Variants in SERPINB3 observed in about 807,000 individuals in gnomAD.
SERPINB3 encodes the protein serpin family B member 3.
A neutral mutation model predicts 33.0 loss-of-function variants in SERPINB3; 33 were observed. The ratio of observed to expected loss-of-function variants is 1.00; its 90% CI spans 0.76 to 1.34. The LOEUF (loss-of-function observed/expected upper bound fraction) is 1.34. Among genes scored for constraint, SERPINB3 ranks in the 40% most tolerant of loss-of-function variants. The pLI, the probability that SERPINB3 is intolerant of heterozygous loss-of-function variation, is 0.00. For synonymous variants in SERPINB3, 200 were observed against 170.9 expected, an observed-to-expected ratio of 1.17 and a Z score of -1.33; for missense variants, 518 against 461.5, an observed-to-expected ratio of 1.12 and a Z score of -1.12.
chr18:63,660,328 T>A (rs907639249), intron 3 of SERPINB3, among the ~76,000 whole-genome samples: 2 of 152,188 alleles, frequency 1.3e-5, no homozygotes, highest in African/African-American at 4.8e-5. Flanking sequence ...CAATGAAAAT[T>A]AAATATTTTG....
chr18:63,661,516 A>G (rs1188501562), intron 1 of SERPINB3, among the ~76,000 whole-genome samples: 1 of 152,102 alleles, frequency 6.6e-6, no homozygotes, highest in Non-Finnish European at 1.5e-5. Context: ...CACTAGGGCT[A>G]GGTAGGAAGG....
intron 3 of SERPINB3, among the ~76,000 whole-genome samples, chr18:63,660,209 C>T (rs1034755436): frequency 1.3e-5 from 2 of 152,110 alleles, no homozygotes; most frequent in Non-Finnish European, 2.9e-5. Context: ...TTCTACTTTC[C>T]AGCAAAGCAT....
chr18:63,656,830 C>T lies in SERPINB3; in HGVS notation c.768+1G>A, dbSNP rs2144492262. The T allele has an allele frequency of 6.2e-7, 1 of 1,603,422 alleles. No individual in the cohort carries two copies. Among genetic ancestry groups the T allele is most frequent in the Admixed American group, 1.7e-5 (1 of 59,810 alleles). ...GAAGAGTTGTAGATGCAAGTTCTTA[C>T]CTTCTGGAGACCATCGATTTCATTT... On this transcript the variant is annotated splice_donor_variant, in intron 7 of 7. Transcript: ENST00000283752. LOFTEE classifies it high-confidence loss of function.
chr18:63,657,581 G>T (rs1422725771), intron 5 of SERPINB3, among the ~76,000 whole-genome samples, 169 bp from the exon 6 acceptor site: 1 of 152,254 alleles, frequency 6.6e-6, no homozygotes, highest in African/African-American at 2.4e-5. Context: ...TGGTTCACCA[G>T]ATGCAGCTTT....
rs770459235 is a variant in SERPINB3, at chr18:63,658,618, C to T, written c.364G>A (p.Ala122Thr). 1.9e-6 allele frequency: 3 copies of T among 1,610,936 alleles called. No homozygotes were observed. The highest frequency in any genetic ancestry group is 2.5e-6 in the Non-Finnish European group (3 of 1,177,406). ...TYLFLQEYLDAIKKFYQTSVE... is the reference protein window; with the variant it reads ...TYLFLQEYLDTIKKFYQTSVE... ...CTGGTCTGGTAAAATTTCTTGATGG[C>T]ATCTAAATATTCCTTTGAGATATGA... Residue 122 changes from alanine to threonine, a missense_variant, in exon 5 of 8, where the codon GCC becomes ACC. Coordinates refer to ENST00000283752, the MANE Select transcript of SERPINB3 (RefSeq NM_006919.3).
At position 63,657,324 on chromosome 18, in the gene SERPINB3, C is replaced by T. The variant is rs569169898; in HGVS notation, c.558G>A (p.Trp186Ter). Reference sequence around the variant, plus strand: ...TATCTTCTTTATTAAATTTCTTCTCCCACTGCCCTTTGAAATAGATTGCGT... The same window carrying T: ...TATCTTCTTTATTAAATTTCTTCTCTCACTGCCCTTTGAAATAGATTGCGT... ...LVNAIYFKGQWEKKFNKEDTK... is the reference protein window; with the variant it reads ...LVNAIYFKGQ Residue 186 changes from tryptophan to a stop codon, truncating the protein, a stop_gained, in exon 6 of 8, where the codon TGG becomes TGA. Transcript: ENST00000283752. LOFTEE classifies it high-confidence loss of function. The T allele has an allele frequency of 1.9e-6, 3 of 1,608,912 alleles. No homozygotes were observed. Among genetic ancestry groups the T allele is most frequent in the African/African-American group, 1.3e-5 (1 of 74,924 alleles).
rs760017019 is a variant in SERPINB3, at chr18:63,658,538, G to C, written c.444C>G (p.Asn148Lys). 5.0e-6 allele frequency: 8 copies of C among 1,612,832 alleles called. No individual in the cohort carries two copies. Among genetic ancestry groups the C allele is most frequent in the Non-Finnish European group, 6.8e-6 (8 of 1,179,280 alleles). Residue 148 changes from asparagine to lysine, a missense_variant, in exon 5 of 8, where the codon AAC becomes AAG. Coordinates refer to ENST00000283752, the MANE Select transcript of SERPINB3 (RefSeq NM_006919.3). ...NAPEESRKKI[N>K]SWVESQTNEK... ...CATTCGTTTGACTTTCCACCCAGGAGTTAATCTTCTTTCGACTTTCTTCTG... is the reference window on the plus strand; with the variant it reads ...CATTCGTTTGACTTTCCACCCAGGACTTAATCTTCTTTCGACTTTCTTCTG...
At chr18:63,659,082 C>T (rs1913572014) in intron 4 of SERPINB3, among the ~76,000 whole-genome samples, 1 of 152,164 alleles carries the variant, frequency 6.6e-6, no homozygotes, top group Admixed American at 6.6e-5. Flanking sequence ...ATACATTTCC[C>T]ACCAAGATGT....
intron 7 of SERPINB3, 67 bp downstream of exon 7, chr18:63,656,764 T>C (rs1913507089): frequency 6.6e-7 from 1 of 1,513,368 alleles, no homozygotes; most frequent in South Asian, 1.3e-5. Flanking sequence ...TTTTACCTTG[T>C]TTAAACTTGG....
rs910823121 is a variant in SERPINB3, at chr18:63,659,096, G to A, written c.351+303C>T. On this transcript the variant is annotated intron_variant, in intron 4 of 7. Transcript: ENST00000283752. ...CATACATTTCCCACCAAGATGTATC[G>A]TATGTGACTGAGTCAGTGCCAGTTT... 2.6e-5 allele frequency among the ~76,000 whole-genome samples: 4 copies of A among 152,078 alleles called. No individual in the cohort carries two copies. The East Asian group carries it at 5.8e-4, about 22-fold the overall frequency.
chr18:63,656,831 C>T lies in SERPINB3; in HGVS notation c.768G>A (p.Lys256=). The change falls in exon 7 of 8, where the codon AAG becomes AAA. Residue 256 remains lysine, a splice_region_variant and synonymous_variant. Coordinates refer to ENST00000283752, the MANE Select transcript of SERPINB3 (RefSeq NM_006919.3). Reference sequence around the variant, plus strand: ...AAGAGTTGTAGATGCAAGTTCTTACCTTCTGGAGACCATCGATTTCATTTG... The same window carrying T: ...AAGAGTTGTAGATGCAAGTTCTTACTTTCTGGAGACCATCGATTTCATTTG... ...LLPNEIDGLQ[K]LEEKLTAEKL... 6.2e-7 allele frequency: 1 copy of T among 1,606,084 alleles called. No individual in the cohort carries two copies. Among genetic ancestry groups the T allele is most frequent in the Non-Finnish European group, 8.5e-7 (1 of 1,175,074 alleles).
rs544152231 is a variant in SERPINB3, at chr18:63,658,641, T to A, written c.352-11A>T. Reference sequence around the variant, plus strand: ...GGCATCTAAATATTCCTTTGAGATATGAAGGAAGAAAGTAGGAAGTAAGAG... The same window carrying A: ...GGCATCTAAATATTCCTTTGAGATAAGAAGGAAGAAAGTAGGAAGTAAGAG... On this transcript the variant is annotated splice_polypyrimidine_tract_variant and intron_variant, in intron 4 of 7. Transcript: ENST00000283752. 4.9e-5 allele frequency: 78 copies of A among 1,587,694 alleles called. 2 individuals are homozygous for A. The highest frequency in any genetic ancestry group is 6.7e-5 in the Admixed American group (4 of 59,610).
chr18:63,658,696 T>C lies in SERPINB3; in HGVS notation c.352-66A>G, dbSNP rs185624261. On this transcript the variant is annotated intron_variant, in intron 4 of 7. Coordinates refer to ENST00000283752, the MANE Select transcript of SERPINB3 (RefSeq NM_006919.3). Reference sequence around the variant, plus strand: ...TTATGTAACTATATATTACCAAATTTAGTTATTTATAATTATAGTAAGCTG... The same window carrying C: ...TTATGTAACTATATATTACCAAATTCAGTTATTTATAATTATAGTAAGCTG... 2.9e-4 allele frequency: 367 copies of C among 1,244,114 alleles called. 3 individuals carry two copies. The highest frequency in any genetic ancestry group is 1.9e-3 in the Middle Eastern group (10 of 5,184). The allele number at this position is 1,244,114 out of a possible 1,614,324, so 77.1% of individuals were successfully genotyped here. A position where few individuals can be genotyped will look rare whatever the true frequency, so the allele number is the denominator to read the frequency against.
In SERPINB3 at chr18:63,655,584, T is replaced by C. The variant is rs980341256; in HGVS notation, c.*73A>G. On this transcript the variant is annotated 3_prime_UTR_variant, in exon 8 of 8. Coordinates refer to ENST00000283752, the MANE Select transcript of SERPINB3 (RefSeq NM_006919.3). ...AGAAATATGAGCCAAGAGAATCTGTTGTTGCCAGCAATCAGTTTACCAGAA... is the reference window on the plus strand; with the variant it reads ...AGAAATATGAGCCAAGAGAATCTGTCGTTGCCAGCAATCAGTTTACCAGAA... 13 of 1,460,678 alleles carry C rather than the reference T, an allele frequency of 8.9e-6. No homozygotes were observed. The African/African-American group carries it at 1.4e-4, about 16-fold the overall frequency. 90.5% of individuals were successfully genotyped at this position (1,460,678 alleles called of 1,614,324 possible). A position where few individuals can be genotyped will look rare whatever the true frequency, so the allele number is the denominator to read the frequency against.
intron 3 of SERPINB3, among the ~76,000 whole-genome samples, chr18:63,660,531 C>T (rs965915460): frequency 5.3e-5 from 8 of 152,038 alleles, no homozygotes; most frequent in Admixed American, 2.6e-4. Context: ...CTCATGTTCA[C>T]CATTTGTGAA....
chr18:63,660,822 G>A lies in SERPINB3; in HGVS notation c.200C>T (p.Thr67Ile). ...LHFDQVTENTTGKAATYHVDR... is the reference protein window; with the variant it reads ...LHFDQVTENTIGKAATYHVDR... ...CACATGATATGTTGCAGCTTTTCCT[G>A]TGGTGTTCTCTGTGACTTGATCAAA... Residue 67 changes from threonine (T) to isoleucine (I), a missense_variant, in exon 3 of 8, where the codon ACA becomes ATA. Transcript: ENST00000283752. 1.2e-6 allele frequency: 2 copies of A among 1,613,346 alleles called. No individual in the cohort carries two copies. Among genetic ancestry groups the A allele is most frequent in the East Asian group, 2.2e-5 (1 of 44,818 alleles).
At chr18:63,658,980 T>C (rs192120210) in intron 4 of SERPINB3, among the ~76,000 whole-genome samples, 445 of 152,292 alleles carry the variant, frequency 2.9e-3, no homozygotes, top group African/African-American at 9.5e-3. Context: ...GTTTTTATCT[T>C]TCATCCTGTG....
chr18:63,656,523 G>A (rs888494830), intron 7 of SERPINB3, among the ~76,000 whole-genome samples: 1 of 151,960 alleles, frequency 6.6e-6, no homozygotes, highest in African/African-American at 2.4e-5. Flanking sequence ...TTTTTACTTG[G>A]TGTATTCGTA....
chr18:63,657,054 A>G lies in SERPINB3; in HGVS notation c.613-68T>C, dbSNP rs1222083749. ...AAGGCAAAAAGATAATATTATTGAG[A>G]TATCAACACATCCTTCTTTTAAGAA... is the stretch of plus-strand genomic sequence containing the variant. On this transcript the variant is annotated intron_variant, in intron 6 of 7. Coordinates refer to ENST00000283752, the MANE Select transcript of SERPINB3 (RefSeq NM_006919.3). The G allele has an allele frequency of 1.6e-5, 21 of 1,321,294 alleles. No individual in the cohort carries two copies. In the South Asian group the frequency reaches 3.1e-4, roughly 19 times the overall value. 81.8% of individuals were successfully genotyped at this position (1,321,294 alleles called of 1,614,324 possible).
Sources: allele counts gnomAD v4.1 joint callset (sites outside exome capture counted in the v4.1 genomes callset), GRCh38; gene constraint gnomAD v4.1.1; transcripts MANE v1.5; gene names NCBI Gene and HGNC (gene_info 2026-07-23, HGNC 2026-07-21).